Variants in RBM47 observed in about 807,000 individuals in gnomAD.
RBM47 encodes RNA-binding protein 47.
A neutral mutation model predicts 47.1 loss-of-function variants in RBM47; 21 were observed. The observed-to-expected ratio is 0.45, with a 90% CI of 0.32 to 0.64. RBM47 has a LOEUF of 0.64. Ranked by LOEUF, RBM47 falls within the 30% of genes least tolerant of loss-of-function variation. RBM47 has a pLI of 0.05. For synonymous variants in RBM47, 375 were observed against 361.7 expected, an observed-to-expected ratio of 1.04 and a Z score of -0.42; for missense variants, 708 against 870.9, an observed-to-expected ratio of 0.81 and a Z score of 2.35.
chr4:40,548,735 C>T lies in RBM47; in HGVS notation c.-239-4229G>A, dbSNP rs542462739. On this transcript the variant is annotated intron_variant, in intron 1 of 6. Coordinates refer to ENST00000295971, the MANE Select transcript of RBM47 (RefSeq NM_001098634.2). ...AGGCTGTAGTGCAATGGCACCATCT[C>T]GGCTCACTGCAACCTCTGCCTCCTG... Among the ~76,000 whole-genome samples the T allele has an allele frequency of 3.9e-5, 6 of 152,222 alleles. No individual in the cohort carries two copies. The East Asian group carries it at 7.7e-4, about 20-fold the overall frequency.
At chr4:40,460,566 T>C (rs1467528245) in intron 3 of RBM47, among the ~76,000 whole-genome samples, 1 of 152,154 alleles carries the variant, frequency 6.6e-6, no homozygotes, top group Non-Finnish European at 1.5e-5. Context: ...TCCCAGCTAC[T>C]TGGGAGGCTG....
At chr4:40,509,717 T>C (rs1336587774) in intron 2 of RBM47, among the ~76,000 whole-genome samples, 6 of 125,846 alleles carry the variant, frequency 4.8e-5, no homozygotes, top group Non-Finnish European at 5.3e-5. Flanking sequence ...CCGTCTCCAC[T>C]AAAAATACAA....
intron 2 of RBM47, among the ~76,000 whole-genome samples, chr4:40,474,631 T>C (rs1719355216): frequency 6.6e-6 from 1 of 152,232 alleles, no homozygotes; most frequent in South Asian, 2.1e-4. Context: ...TTTAAATACA[T>C]TTTTAATCAA....
intron 2 of RBM47, among the ~76,000 whole-genome samples, chr4:40,486,069 CAAAAAAA>C (rs201408070): frequency 0.017 from 1,058 of 62,762 alleles, 13 homozygotes; most frequent in African/African-American, 0.049. Context: ...AACCCTGTTT[CAAAAAAA>C]AAAAAAAAAA....
chr4:40,532,172 G>C (rs186097490), intron 2 of RBM47, among the ~76,000 whole-genome samples: 2 of 151,142 alleles, frequency 1.3e-5, no homozygotes, highest in South Asian at 2.1e-4. Flanking sequence ...CACCATGCCC[G>C]GCTAATTTTT....
rs1473758591 is a variant in RBM47 at position 40,628,631 on chromosome 4, G to T, written c.-240+765C>A. Among the ~76,000 whole-genome samples, 1 of 151,574 alleles carries T rather than the reference G, an allele frequency of 6.6e-6. No homozygotes were observed. The highest frequency in any genetic ancestry group is 1.5e-5 in the Non-Finnish European group (1 of 68,000). On this transcript the variant is annotated intron_variant, in intron 1 of 6. Coordinates refer to ENST00000295971, the MANE Select transcript of RBM47 (RefSeq NM_001098634.2). The surrounding 1 kb of genome is among the most constrained non-coding windows in gnomAD (Gnocchi z 4.0). ...TTTTAAAATCTATATTCCTGCTAAA[G>T]AAAACAGTGAGTCATTAAAATACCA... is the stretch of plus-strand genomic sequence containing the variant.
At chr4:40,484,888 T>C (rs1440519314) in intron 2 of RBM47, among the ~76,000 whole-genome samples, 1 of 152,260 alleles carries the variant, frequency 6.6e-6, no homozygotes, top group Admixed American at 6.5e-5. Context: ...ATTTGTCATT[T>C]GGGATCAAAT....
chr4:40,519,299 T>G (rs1223427569), intron 2 of RBM47, among the ~76,000 whole-genome samples: 1 of 145,980 alleles, frequency 6.9e-6, no homozygotes, highest in Non-Finnish European at 1.5e-5. Flanking sequence ...CCTTCAATCT[T>G]TTTTTTTTTT....
chr4:40,545,733 T>G (rs1728986332), intron 1 of RBM47, among the ~76,000 whole-genome samples: 1 of 147,424 alleles, frequency 6.8e-6, no homozygotes, highest in Admixed American at 6.8e-5. Flanking sequence ...GAAGAGGAAA[T>G]GTATAAAAAG....
intron 2 of RBM47, among the ~76,000 whole-genome samples, chr4:40,518,859 A>G (rs751701794): frequency 6.6e-6 from 1 of 152,108 alleles, no homozygotes; most frequent in Non-Finnish European, 1.5e-5. Context: ...GCCACATTCA[A>G]AGCCATCCTG....
intron 2 of RBM47, among the ~76,000 whole-genome samples, chr4:40,488,907 T>G (rs1198573163): frequency 6.6e-6 from 1 of 152,228 alleles, no homozygotes; most frequent in African/African-American, 2.4e-5. Context: ...TTCTGCTATT[T>G]TGCAGATGTG....
rs146911971 is a variant in RBM47, at chr4:40,432,667, G to T, written c.1526C>A (p.Thr509Lys). ...GAACTCTACCTGGAAAGGTGGTGGCGTCGACACAGTGGGAATGACAGCGGC... is the reference window on the plus strand; with the variant it reads ...GAACTCTACCTGGAAAGGTGGTGGCTTCGACACAGTGGGAATGACAGCGGC... Reference protein sequence around the residue: ...AAAAVIPTVSTPPPFQGRPIT... With the variant: ...AAAAVIPTVSKPPPFQGRPIT... The change falls in exon 6 of 7, where the codon ACG becomes AAG. Residue 509 changes from threonine to lysine, a missense_variant. By Grantham distance (78) the Thr-to-Lys change is moderately conservative. Coordinates refer to ENST00000295971, the MANE Select transcript of RBM47 (RefSeq NM_001098634.2). 1.2e-6 allele frequency: 2 copies of T among 1,610,438 alleles called. No individual in the cohort carries two copies. The highest frequency in any genetic ancestry group is 2.2e-5 in the East Asian group (1 of 44,858).
At chr4:40,434,534 G>A (rs1711980144) in intron 5 of RBM47, among the ~76,000 whole-genome samples, 1 of 152,056 alleles carries the variant, frequency 6.6e-6, no homozygotes, top group South Asian at 2.1e-4. Flanking sequence ...GCCAAAGGGA[G>A]TTCCCTTCTC....
At chr4:40,500,317 CCA>C (rs1723184815) in intron 2 of RBM47, among the ~76,000 whole-genome samples, 1 of 149,808 alleles carries the variant, frequency 6.7e-6, no homozygotes, top group Non-Finnish European at 1.5e-5. Flanking sequence ...TCGTCCCCCC[CCA>C]AAAAAAAAAG....
chr4:40,549,930 A>AC (rs1479044433), intron 1 of RBM47, among the ~76,000 whole-genome samples: 2 of 152,204 alleles, frequency 1.3e-5, no homozygotes, highest in African/African-American at 4.8e-5. Flanking sequence ...TCGGCCTCCC[A>AC]AAGTGCTGGG....
chr4:40,627,592 C>T (rs770492408), intron 1 of RBM47, among the ~76,000 whole-genome samples: 4 of 152,272 alleles, frequency 2.6e-5, no homozygotes, highest in Non-Finnish European at 5.9e-5. Flanking sequence ...CAAATTAAAT[C>T]CTTTTGTAAG....
chr4:40,598,418 T>C (rs531643507), intron 1 of RBM47, among the ~76,000 whole-genome samples: 24 of 152,172 alleles, frequency 1.6e-4, no homozygotes, highest in African/African-American at 5.5e-4. Context: ...AGCTAGTCTT[T>C]GTATTGTTTT....
intron 2 of RBM47, among the ~76,000 whole-genome samples, chr4:40,527,742 T>TTGTG (rs140846090): frequency 0.14 from 19,355 of 134,392 alleles, 1,542 homozygotes; most frequent in Middle Eastern, 0.27. Context: ...CTAGTTTTCA[T>TTGTG]TGTGTGTGTG....
intron 2 of RBM47, among the ~76,000 whole-genome samples, chr4:40,505,429 T>C (rs1723960331): frequency 6.7e-6 from 1 of 149,038 alleles, no homozygotes. Context: ...TGAGGCGAGA[T>C]TGTGCCATCG....
Sources: gnomAD v4.1 joint callset for allele counts (sites outside exome capture counted in the v4.1 genomes callset) on GRCh38, gnomAD v4.1.1 for gene constraint, Gnocchi (gnomAD v3.1) non-coding constraint, MANE v1.5 for transcripts, NCBI Gene and HGNC (gene_info 2026-07-23, HGNC 2026-07-21) for gene names.